Variants in ZNF385D observed in about 807,000 individuals in gnomAD.
The protein encoded by ZNF385D is zinc finger protein 385D.
In ZNF385D, 15 loss-of-function variants were observed where a neutral mutation model predicts 35.8. The ratio of observed to expected loss-of-function variants is 0.42; its 90% CI spans 0.28 to 0.64. ZNF385D has a LOEUF of 0.64. ZNF385D is among the 30% of genes least tolerant of loss of function. The pLI, the probability that ZNF385D is intolerant of heterozygous loss-of-function variation, is 0.23. For missense variants in ZNF385D, 474 were observed against 494.6 expected, an observed-to-expected ratio of 0.96 and a Z score of 0.39; for synonymous variants, 212 against 186.8, an observed-to-expected ratio of 1.13 and a Z score of -1.10.
In ZNF385D at chr3:22,240,471, C is replaced by A. The variant is rs375483369; in HGVS notation, c.107-71436G>T. Among the ~76,000 whole-genome samples, 10 of 150,996 alleles carry A rather than the reference C, an allele frequency of 6.6e-5. 1 individual carries two copies. The East Asian group carries it at 1.6e-3, about 24-fold the overall frequency. On this transcript the variant is annotated intron_variant, in intron 2 of 5. Transcript: ENST00000494108. ...GCCTACATCATGTTTAGTTGTAAAC[C>A]TGGATCACCCACCTTTACTTAGCTC...
chr3:21,858,477 C>A (rs1358554483), intron 3 of ZNF385D, among the ~76,000 whole-genome samples: 1 of 150,484 alleles, frequency 6.6e-6, no homozygotes, highest in Non-Finnish European at 1.5e-5. Context: ...TTAATTAGCT[C>A]ATGAGAGTAG....
intron 1 of ZNF385D, among the ~76,000 whole-genome samples, chr3:21,694,419 C>G (rs369085507): frequency 6.6e-6 from 1 of 151,998 alleles, no homozygotes; most frequent in African/African-American, 2.4e-5. Flanking sequence ...TCAAAAAGCA[C>G]CAGAAAAAAG....
At chr3:21,487,430 T>G (rs1705116877) in intron 4 of ZNF385D, among the ~76,000 whole-genome samples, 1 of 152,084 alleles carries the variant, frequency 6.6e-6, no homozygotes, top group Non-Finnish European at 1.5e-5. Context: ...TGGTAAGCAC[T>G]GTCTCTACTT....
At chr3:22,336,934 A>C (rs1250367404) in intron 2 of ZNF385D, among the ~76,000 whole-genome samples, 1 of 144,726 alleles carries the variant, frequency 6.9e-6, no homozygotes, top group African/African-American at 2.6e-5. Context: ...AAAAAAAAAA[A>C]AAACCCTTAC....
intron 3 of ZNF385D, among the ~76,000 whole-genome samples, chr3:22,026,014 G>A (rs1177751940): frequency 1.3e-5 from 2 of 152,148 alleles, no homozygotes; most frequent in African/African-American, 2.4e-5. Context: ...ATGGACAGCA[G>A]AGGCAAAGCA....
intron 3 of ZNF385D, among the ~76,000 whole-genome samples, chr3:22,120,586 T>A (rs980536373): frequency 6.6e-6 from 1 of 152,122 alleles, no homozygotes; most frequent in Non-Finnish European, 1.5e-5. Flanking sequence ...CAGACCACCA[T>A]AGTCTGAATT....
At chr3:22,074,472 G>A (rs1401008928) in intron 3 of ZNF385D, among the ~76,000 whole-genome samples, 1 of 151,858 alleles carries the variant, frequency 6.6e-6, no homozygotes, top group African/African-American at 2.4e-5. Context: ...ATAAATGATA[G>A]TTGAACATGA....
At chr3:22,070,104 C>T (rs1322478417) in intron 3 of ZNF385D, among the ~76,000 whole-genome samples, 1 of 152,076 alleles carries the variant, frequency 6.6e-6, no homozygotes, top group African/African-American at 2.4e-5. Context: ...CATTAATTTC[C>T]TATTTTAATA....
intron 2 of ZNF385D, among the ~76,000 whole-genome samples, chr3:22,306,374 A>G (rs908348627): frequency 4.6e-5 from 7 of 151,824 alleles, no homozygotes; most frequent in Admixed American, 3.9e-4. Context: ...CCTGGAGCAT[A>G]CTTCATTTGT....
intron 1 of ZNF385D, among the ~76,000 whole-genome samples, chr3:21,737,475 A>G (rs1035093430): frequency 6.6e-6 from 1 of 152,026 alleles, no homozygotes; most frequent in African/African-American, 2.4e-5. Flanking sequence ...ATACACACAC[A>G]CACACACACA....
intron 4 of ZNF385D, among the ~76,000 whole-genome samples, chr3:21,499,664 A>T (rs1023038062): frequency 3.3e-5 from 5 of 152,080 alleles, no homozygotes; most frequent in African/African-American, 1.2e-4. Flanking sequence ...AAAACCAAAA[A>T]ACGAAAAACA....
chr3:22,333,799 C>T (rs965890841), intron 2 of ZNF385D, among the ~76,000 whole-genome samples: 1 of 152,118 alleles, frequency 6.6e-6, no homozygotes, highest in African/African-American at 2.4e-5. Context: ...GTGCAGACAC[C>T]CAGCTTTCAG....
At chr3:21,453,260 C>A (rs766911359) in intron 4 of ZNF385D, among the ~76,000 whole-genome samples, 1 of 151,406 alleles carries the variant, frequency 6.6e-6, no homozygotes, top group Non-Finnish European at 1.5e-5. Flanking sequence ...AAAACTATAA[C>A]GCTCTTAGAA....
chr3:22,074,740 C>G (rs544348510), intron 3 of ZNF385D, among the ~76,000 whole-genome samples: 2 of 151,960 alleles, frequency 1.3e-5, no homozygotes, highest in Admixed American at 6.6e-5. Context: ...CTGGTCTTCC[C>G]GACACTGTTC....
chr3:21,571,170 A>G (rs937869058), intron 2 of ZNF385D, among the ~76,000 whole-genome samples: 9 of 152,208 alleles, frequency 5.9e-5, no homozygotes, highest in African/African-American at 1.2e-4. Context: ...TGGCAAGTCA[A>G]TTATGAGATA....
intron 3 of ZNF385D, among the ~76,000 whole-genome samples, chr3:21,988,976 C>T (rs1448240028): frequency 1.3e-5 from 2 of 152,194 alleles, no homozygotes; most frequent in Non-Finnish European, 2.9e-5. Flanking sequence ...ACCCCTTGCG[C>T]TTCCCAGGTG....
At chr3:22,026,805 T>A (rs545915629) in intron 3 of ZNF385D, among the ~76,000 whole-genome samples, 1 of 152,298 alleles carries the variant, frequency 6.6e-6, no homozygotes, top group Non-Finnish European at 1.5e-5. Flanking sequence ...AGTGCCACCA[T>A]CAAGGACTTG....
chr3:21,922,551 T>A (rs1183216066), intron 3 of ZNF385D, among the ~76,000 whole-genome samples: 1 of 152,196 alleles, frequency 6.6e-6, no homozygotes, highest in South Asian at 2.1e-4. Context: ...GGACTCCTAT[T>A]CAATAAATTG....
intron 3 of ZNF385D, among the ~76,000 whole-genome samples, chr3:21,993,758 G>A (rs994483793): frequency 3.2e-4 from 49 of 151,998 alleles, no homozygotes; most frequent in African/African-American, 1.2e-3. Flanking sequence ...TTGAAGCAGA[G>A]AAAAAAAATT....
Sources: allele counts gnomAD v4.1 joint callset (sites outside exome capture counted in the v4.1 genomes callset), GRCh38; gene constraint gnomAD v4.1.1; transcripts MANE v1.5; gene names NCBI Gene and HGNC (gene_info 2026-07-23, HGNC 2026-07-21).